MAPK10: variants seen among roughly 807,000 people sequenced by gnomAD.
MAPK10 encodes the protein mitogen-activated protein kinase 10.
Under a neutral mutation model 59.3 loss-of-function variants are expected in MAPK10, and 25 were observed. That is an observed-to-expected ratio of 0.42 (90% CI 0.31 to 0.59). The LOEUF (loss-of-function observed/expected upper bound fraction) is 0.59, where lower values mean the gene tolerates loss of function less well. MAPK10 is among the 20% of genes least tolerant of loss of function. The pLI is 0.15. For missense variants in MAPK10, 351 were observed against 568.9 expected (o/e 0.62, Z 3.90); for synonymous variants, 190 against 200.5 (o/e 0.95, Z 0.44).
At chr4:86,593,753 C>A (rs2149121269) in intron 1 of MAPK10, 1 of 152,218 alleles carries the variant, frequency 6.6e-6, no homozygotes, top group South Asian at 2.1e-4. Flanking sequence ...TCGTTGACCC[C>A]GCCATTTCTA....
intron 9 of MAPK10, chr4:86,089,404 T>G: frequency 3.2e-6 from 2 of 633,744 alleles, no homozygotes; most frequent in Non-Finnish European, 5.6e-6. Context: ...GAGAGGCCAG[T>G]GGCATGATCA....
At chr4:86,590,139 A>G (rs1399713133) in intron 1 of MAPK10, among the ~76,000 whole-genome samples, 1 of 152,186 alleles carries the variant, frequency 6.6e-6, no homozygotes, top group Non-Finnish European at 1.5e-5. Context: ...GATAACAGAA[A>G]TAAAATACAT....
At chr4:86,387,006 A>G (rs1030267418) in intron 1 of MAPK10, among the ~76,000 whole-genome samples, 3 of 152,198 alleles carry the variant, frequency 2.0e-5, no homozygotes, top group Non-Finnish European at 4.4e-5. Context: ...AAAGAAAAAA[A>G]TCTGGGCAAG....
intron 5 of MAPK10, among the ~76,000 whole-genome samples, chr4:86,104,034 A>C (rs1424480868): frequency 6.6e-6 from 1 of 152,130 alleles, no homozygotes; most frequent in African/African-American, 2.4e-5. Context: ...TTATACTCAC[A>C]AGATAGTTGC....
At chr4:86,576,729 C>G (rs1019304626) in intron 1 of MAPK10, among the ~76,000 whole-genome samples, 8 of 151,246 alleles carry the variant, frequency 5.3e-5, no homozygotes, top group Admixed American at 3.3e-4. Flanking sequence ...GAGCCGAGAT[C>G]GCGCCACTGT....
intron 2 of MAPK10, among the ~76,000 whole-genome samples, chr4:86,316,731 G>A (rs569632891): frequency 3.3e-5 from 5 of 152,090 alleles, no homozygotes; most frequent in Admixed American, 3.3e-4. Context: ...ATTGTTCCAG[G>A]GGCTGCAAAT....
At chr4:86,499,886 C>T (rs1755171974) in intron 1 of MAPK10, among the ~76,000 whole-genome samples, 2 of 152,172 alleles carry the variant, frequency 1.3e-5, no homozygotes, top group African/African-American at 4.8e-5. Flanking sequence ...TATATGATGT[C>T]TGTCTGGGAT....
At chr4:86,246,735 G>A (rs2093116130) in intron 2 of MAPK10, among the ~76,000 whole-genome samples, 1 of 152,164 alleles carries the variant, frequency 6.6e-6, no homozygotes, top group African/African-American at 2.4e-5. Context: ...AACTCACAGA[G>A]CAGGTGAACA....
chr4:86,385,885 G>C lies in MAPK10; in HGVS notation c.-121-31241C>G, dbSNP rs182473042. Among the ~76,000 whole-genome samples the C allele has an allele frequency of 5.3e-5, 8 of 152,278 alleles. No individual in the cohort carries two copies. In the East Asian group the frequency reaches 1.5e-3, roughly 29 times the overall value. ...AAACAAAGACTATGACTAGCAAGAAGGTGGTTAGACTATAGCACACATGCA... is the reference window on the plus strand; with the variant it reads ...AAACAAAGACTATGACTAGCAAGAACGTGGTTAGACTATAGCACACATGCA... On this transcript the variant is annotated intron_variant, in intron 1 of 13. Transcript: ENST00000361569.
chr4:86,042,172 T>C (rs2041675370), intron 11 of MAPK10, among the ~76,000 whole-genome samples: 1 of 152,208 alleles, frequency 6.6e-6, no homozygotes, highest in Non-Finnish European at 1.5e-5. Flanking sequence ...TGCAGGGATA[T>C]GGATGAAGCT....
intron 1 of MAPK10, among the ~76,000 whole-genome samples, chr4:86,570,130 C>A (rs756753385): frequency 6.6e-6 from 1 of 152,056 alleles, no homozygotes; most frequent in Non-Finnish European, 1.5e-5. Flanking sequence ...CTATAATGTG[C>A]CAGGTAGTGT....
chr4:86,445,766 A>C (rs1749960063), intron 1 of MAPK10, among the ~76,000 whole-genome samples: 2 of 152,018 alleles, frequency 1.3e-5, no homozygotes, highest in Admixed American at 6.6e-5. Flanking sequence ...AAAACTACTA[A>C]CAGATCCTGT....
chr4:86,341,324 A>G (rs1459862667), intron 2 of MAPK10, among the ~76,000 whole-genome samples: 1 of 152,222 alleles, frequency 6.6e-6, no homozygotes, highest in African/African-American at 2.4e-5. Flanking sequence ...TGTATGTTCC[A>G]AACAGATCTC....
chr4:86,286,278 G>T (rs537521014), intron 2 of MAPK10, among the ~76,000 whole-genome samples: 14 of 152,264 alleles, frequency 9.2e-5, no homozygotes, highest in Admixed American at 5.2e-4. Flanking sequence ...GACATCATTG[G>T]ATTTCTAGCC....
At chr4:86,113,512 CTCTTT>C (rs1445156817) in intron 4 of MAPK10, among the ~76,000 whole-genome samples, 1 of 152,160 alleles carries the variant, frequency 6.6e-6, no homozygotes, top group Non-Finnish European at 1.5e-5. Flanking sequence ...GGGTTGGAAA[CTCTTT>C]TCTTTAAGAA....
At chr4:86,463,227 T>A (rs1226173510) in intron 1 of MAPK10, among the ~76,000 whole-genome samples, 7 of 152,208 alleles carry the variant, frequency 4.6e-5, no homozygotes, top group African/African-American at 7.2e-5. Flanking sequence ...TTACAAAAAA[T>A]TGGCCTTTAA....
intron 1 of MAPK10, among the ~76,000 whole-genome samples, chr4:86,506,757 G>A (rs1244497670): frequency 2.0e-5 from 3 of 152,186 alleles, no homozygotes; most frequent in South Asian, 2.1e-4. Context: ...AAGAGGAGCA[G>A]AGAATTAAAA....
intron 1 of MAPK10, among the ~76,000 whole-genome samples, chr4:86,534,363 G>A (rs1050368002): frequency 6.6e-6 from 1 of 151,938 alleles, no homozygotes; most frequent in Non-Finnish European, 1.5e-5. Flanking sequence ...TTTCACGCAA[G>A]CTGTTACATA....
At chr4:86,304,080 T>G (rs2095518657) in intron 2 of MAPK10, among the ~76,000 whole-genome samples, 1 of 152,134 alleles carries the variant, frequency 6.6e-6, no homozygotes, top group African/African-American at 2.4e-5. Context: ...GAAAGTACAT[T>G]AAAAACAAAG....
Sources: gnomAD v4.1 joint callset for allele counts (sites outside exome capture counted in the v4.1 genomes callset) on GRCh38, gnomAD v4.1.1 for gene constraint, MANE v1.5 for transcripts, NCBI Gene and HGNC (gene_info 2026-07-23, HGNC 2026-07-21) for gene names.